ADGRD1: variants seen among roughly 807,000 people sequenced by gnomAD.
The protein encoded by ADGRD1 is G-protein coupled receptor 133.
A neutral mutation model predicts 113.4 loss-of-function variants in ADGRD1; 77 were observed. The ratio of observed to expected loss-of-function variants is 0.68; its 90% CI spans 0.57 to 0.82. ADGRD1 has a LOEUF of 0.82. Among genes scored for constraint, ADGRD1 ranks in the 40% least tolerant of loss-of-function variants. The probability of loss-of-function intolerance (pLI) is 0.00; values close to 1 mark genes in which losing one functional copy is unlikely to be tolerated. For missense variants in ADGRD1, 1,036 were observed against 1,139.1 expected, an observed-to-expected ratio of 0.91 and a Z score of 1.30; for synonymous variants, 474 against 475.0, an observed-to-expected ratio of 1.00 and a Z score of 0.03.
At chr12:130,995,014 G>T (rs1163174899) in intron 8 of ADGRD1, among the ~76,000 whole-genome samples, 1 of 152,220 alleles carries the variant, frequency 6.6e-6, no homozygotes, top group Non-Finnish European at 1.5e-5. Context: ...TTCATCACGG[G>T]CTAGAAGGGT....
intron 13 of ADGRD1, among the ~76,000 whole-genome samples, chr12:131,046,536 G>C (rs1268056975): frequency 8.5e-6 from 1 of 118,252 alleles, no homozygotes; most frequent in African/African-American, 3.7e-5. Context: ...CTCCCTCCCT[G>C]ATCAGTGCCC....
At chr12:130,992,655 C>A (rs2136658948) in intron 8 of ADGRD1, among the ~76,000 whole-genome samples, 1 of 152,352 alleles carries the variant, frequency 6.6e-6, no homozygotes, top group Non-Finnish European at 1.5e-5. Context: ...CCTGTGCAGC[C>A]ACCTGGCCCC....
chr12:130,964,172 T>C (rs897726960), intron 2 of ADGRD1, among the ~76,000 whole-genome samples: 1 of 151,468 alleles, frequency 6.6e-6, no homozygotes, highest in Non-Finnish European at 1.5e-5. Flanking sequence ...TAAAAAGAAA[T>C]CAGTACCCTT....
chr12:130,974,986 C>T (rs2136554455), intron 4 of ADGRD1, among the ~76,000 whole-genome samples: 1 of 152,190 alleles, frequency 6.6e-6, no homozygotes, highest in South Asian at 2.1e-4. Context: ...CTTTGGAGGA[C>T]ATTGGAGAGA....
At chr12:131,116,904 T>A (rs1479508966) in intron 18 of ADGRD1, among the ~76,000 whole-genome samples, 1 of 152,238 alleles carries the variant, frequency 6.6e-6, no homozygotes, top group Admixed American at 6.5e-5. Context: ...TGTGTTCTTT[T>A]CAGAAACAGA....
chr12:131,090,452 C>T (rs1368531665), intron 15 of ADGRD1, among the ~76,000 whole-genome samples: 4 of 152,140 alleles, frequency 2.6e-5, no homozygotes, highest in South Asian at 2.1e-4. Context: ...CTTCTCTCTC[C>T]GAGGTTTTCC....
At chr12:131,043,222 TC>T (rs1882323099) in intron 13 of ADGRD1, among the ~76,000 whole-genome samples, 2 of 152,180 alleles carry the variant, frequency 1.3e-5, no homozygotes, top group African/African-American at 4.8e-5. Flanking sequence ...TGGCCTCCTG[TC>T]CGGGTTCATT....
At position 131,006,002 on chromosome 12, in the gene ADGRD1, A is replaced by G. The variant is rs1255199023; in HGVS notation, c.1286A>G (p.His429Arg). 1 of 1,611,706 alleles carries G rather than the reference A, an allele frequency of 6.2e-7. No individual in the cohort carries two copies. Among genetic ancestry groups the G allele is most frequent in the African/African-American group, 1.3e-5 (1 of 74,644 alleles). The change falls in exon 12 of 25, where the codon CAC (histidine) becomes CGC (arginine). Residue 429 changes from histidine to arginine, a missense_variant. By Grantham distance (29) the His-to-Arg change is conservative. Coordinates refer to ENST00000261654, the MANE Select transcript of ADGRD1 (RefSeq NM_198827.5). ...AWSTVVGLLY[H>R]SMHYYLNNIW... ...AGCACCGTCGTGGGTCTGCTGTACC[A>G]CAGCATGCACTACTACCTGAACAAC... is the stretch of plus-strand genomic sequence containing the variant.
chr12:131,127,295 T>A (rs1331949024), intron 20 of ADGRD1, among the ~76,000 whole-genome samples: 1 of 152,250 alleles, frequency 6.6e-6, no homozygotes, highest in Non-Finnish European at 1.5e-5. Context: ...GTGTTTCATG[T>A]TGGCAAAACA....
chr12:130,979,225 G>C (rs975194449), intron 4 of ADGRD1, among the ~76,000 whole-genome samples: 1 of 152,240 alleles, frequency 6.6e-6, no homozygotes, highest in Admixed American at 6.5e-5. Flanking sequence ...ATGCCGCAGG[G>C]CTTGGAGTTG....
At chr12:130,985,039 A>G (rs952604682) in intron 5 of ADGRD1, among the ~76,000 whole-genome samples, 1 of 151,182 alleles carries the variant, frequency 6.6e-6, no homozygotes, top group African/African-American at 2.4e-5. Context: ...GGCTCAGGTG[A>G]TCCTCCTACC....
chr12:131,030,210 C>T lies in ADGRD1; in HGVS notation c.1473+15870C>T, dbSNP rs575224563. 1.2e-3 allele frequency among the ~76,000 whole-genome samples: 162 copies of T among 139,548 alleles called. 1 individual carries two copies. The highest frequency in any genetic ancestry group is 4.6e-3 in the African/African-American group (157 of 34,396). 91.5% of individuals were successfully genotyped at this position (139,548 alleles called of 152,430 possible). A position where few individuals can be genotyped will look rare whatever the true frequency, so the allele number is the denominator to read the frequency against. ...AGGCTCTGGGGTTAGGTTGTGGACC[C>T]GTCGTAGGTGACATTCCCAGGCTCT... On this transcript the variant is annotated intron_variant, in intron 13 of 24. Transcript: ENST00000261654.
chr12:130,962,241 G>T (rs1377511430), intron 2 of ADGRD1: 1 of 152,268 alleles, frequency 6.6e-6, no homozygotes, highest in Admixed American at 6.5e-5. Flanking sequence ...GGTGTGGAGA[G>T]AAGGCAGTGT....
At chr12:131,074,422 A>G (rs1169503518) in intron 13 of ADGRD1, among the ~76,000 whole-genome samples, 1 of 152,154 alleles carries the variant, frequency 6.6e-6, no homozygotes, top group Admixed American at 6.5e-5. Context: ...GTCCCCCAAC[A>G]CTGTTGAAGA....
chr12:130,987,524 G>C (rs886698592), intron 6 of ADGRD1, 175 bp downstream of exon 6: 1 of 647,438 alleles, frequency 1.5e-6, no homozygotes, highest in African/African-American at 1.8e-5. Context: ...CCCTGAGATA[G>C]AGGAGTTAAT....
intron 13 of ADGRD1, among the ~76,000 whole-genome samples, chr12:131,064,049 G>A (rs1050351940): frequency 6.6e-6 from 1 of 152,176 alleles, no homozygotes; most frequent in African/African-American, 2.4e-5. Flanking sequence ...GAGTGACTAT[G>A]AACTCACTTA....
intron 12 of ADGRD1, among the ~76,000 whole-genome samples, chr12:131,011,245 C>T (rs1482584599): frequency 3.3e-5 from 5 of 149,934 alleles, no homozygotes; most frequent in Non-Finnish European, 5.9e-5. Flanking sequence ...CCTAAGGAGG[C>T]GTCTGGCCCC....
At chr12:130,992,112 CT>C (rs1489766767) in intron 7 of ADGRD1, 124 bp from the exon 8 acceptor site, 2 of 670,206 alleles carry the variant, frequency 3.0e-6, no homozygotes, top group Middle Eastern at 3.1e-4. Flanking sequence ...CAGAGCAAGA[CT>C]CAGTCTCAAA....
At chr12:131,031,168 G>C (rs1195888) in intron 13 of ADGRD1, among the ~76,000 whole-genome samples, 82,300 of 152,044 alleles carry the variant, frequency 0.54, 23,320 homozygotes, top group East Asian at 0.71. Context: ...TGCCTTGGGG[G>C]GTCCTGTCGA....
Sources: gnomAD v4.1 joint callset for allele counts (sites outside exome capture counted in the v4.1 genomes callset) on GRCh38, gnomAD v4.1.1 for gene constraint, MANE v1.5 for transcripts, NCBI Gene and HGNC (gene_info 2026-07-23, HGNC 2026-07-21) for gene names.